The following RGPD2 variants were observed in gnomAD, a reference collection of about 807,000 sequenced individuals.
RGPD2 encodes RANBP2 like and GRIP domain containing 2, also known as RANBP2-like and GRIP domain-containing protein 2.
RGPD2 carries 2 observed loss-of-function variants against 36.0 expected under a neutral mutation model. The observed-to-expected ratio is 0.06, with a 90% CI of 0.02 to 0.17. The LOEUF (loss-of-function observed/expected upper bound fraction) is 0.17, where lower values mean the gene tolerates loss of function less well. Among genes scored for constraint, RGPD2 ranks in the 10% least tolerant of loss-of-function variants. The pLI is 1.00. For synonymous variants in RGPD2, 19 were observed against 163.8 expected (o/e 0.12, Z 6.75); for missense variants, 40 against 464.3 (o/e 0.09, Z 8.40).
At chr2:87,879,352 C>T in the RGPD2 span, among the ~76,000 whole-genome samples, 1 of 151,978 alleles carries the variant, frequency 6.6e-6, no homozygotes, top group African/African-American at 2.4e-5. Context: ...TTATTAACCA[C>T]AGTCATGCCG....
the RGPD2 span, among the ~76,000 whole-genome samples, chr2:87,933,102 A>G: frequency 9.1e-6 from 1 of 110,258 alleles, no homozygotes; most frequent in African/African-American, 3.7e-5. Context: ...CATATATTCA[A>G]TTTCATTACA....
the RGPD2 span, among the ~76,000 whole-genome samples, chr2:87,937,678 C>A: frequency 6.6e-5 from 10 of 152,004 alleles, no homozygotes; most frequent in South Asian, 2.1e-3. Context: ...TCCCATTAGT[C>A]CCCACCTCAG....
chr2:87,932,754 C>G, the RGPD2 span, among the ~76,000 whole-genome samples: 26 of 151,952 alleles, frequency 1.7e-4, no homozygotes, highest in Non-Finnish European at 3.4e-4. Flanking sequence ...GAGATTCTTT[C>G]TTTAAGAGCA....
the RGPD2 span, among the ~76,000 whole-genome samples, chr2:87,869,941 T>C: frequency 6.6e-6 from 1 of 152,292 alleles, no homozygotes; most frequent in Non-Finnish European, 1.5e-5. Flanking sequence ...TTTTCCCCTC[T>C]GATTTGTTTC....
At chr2:87,868,930 C>A in the RGPD2 span, among the ~76,000 whole-genome samples, 1 of 151,432 alleles carries the variant, frequency 6.6e-6, no homozygotes, top group East Asian at 2.0e-4. Context: ...TCTTCCCCAA[C>A]CCTAGATTAT....
At chr2:87,883,461 T>A in the RGPD2 span, among the ~76,000 whole-genome samples, 1 of 152,054 alleles carries the variant, frequency 6.6e-6, no homozygotes, top group African/African-American at 2.4e-5. Context: ...AATCCTTACC[T>A]ATAAACAATT....
At chr2:87,977,679 A>T in the RGPD2 span, among the ~76,000 whole-genome samples, 818 of 150,962 alleles carry the variant, frequency 5.4e-3, 9 homozygotes, top group African/African-American at 0.019. Context: ...CATTCTGTGA[A>T]TTCCATTTAC....
the RGPD2 span, among the ~76,000 whole-genome samples, chr2:87,857,209 AT>A: frequency 6.6e-6 from 1 of 152,250 alleles, no homozygotes; most frequent in South Asian, 2.1e-4. Context: ...CATAGCATAG[AT>A]TAGGAAAATT....
chr2:87,844,821 C>A, the RGPD2 span, among the ~76,000 whole-genome samples: 1 of 142,884 alleles, frequency 7.0e-6, no homozygotes, highest in Non-Finnish European at 1.5e-5. Flanking sequence ...TGTAATATCT[C>A]ATTTATAAGG....
chr2:87,840,606 T>A, the RGPD2 span, among the ~76,000 whole-genome samples: 4 of 152,132 alleles, frequency 2.6e-5, no homozygotes, highest in Admixed American at 2.6e-4. Context: ...TATACAGTTT[T>A]AGAAAGGTAA....
the RGPD2 span, among the ~76,000 whole-genome samples, chr2:87,962,301 A>G: frequency 2.6e-4 from 39 of 152,194 alleles, no homozygotes; most frequent in Non-Finnish European, 4.6e-4. Context: ...GTGGACAAAT[A>G]TCAAATGCGT....
the RGPD2 span, among the ~76,000 whole-genome samples, chr2:87,905,485 A>C: frequency 6.6e-6 from 1 of 151,906 alleles, no homozygotes; most frequent in Non-Finnish European, 1.5e-5. Flanking sequence ...AATAAAACAA[A>C]TACTTTAAGA....
the RGPD2 span, among the ~76,000 whole-genome samples, chr2:87,845,795 A>G: frequency 6.4e-4 from 97 of 151,192 alleles, no homozygotes; most frequent in Middle Eastern, 3.4e-3. Flanking sequence ...CTTTTTTAAT[A>G]TTTTCCATTG....
chr2:87,967,433 C>T, the RGPD2 span, among the ~76,000 whole-genome samples: 1 of 149,898 alleles, frequency 6.7e-6, no homozygotes, highest in African/African-American at 2.5e-5. Flanking sequence ...TTTTTTCCAA[C>T]AAATTTGTTT....
intron 6 of RGPD2, among the ~76,000 whole-genome samples, chr2:87,809,878 CA>C (rs1686107743): frequency 9.1e-6 from 1 of 109,522 alleles, no homozygotes; most frequent in African/African-American, 3.2e-5. Flanking sequence ...TGGTGGGGAA[CA>C]ACCTGAGGCA....
chr2:87,886,404 T>C, the RGPD2 span, among the ~76,000 whole-genome samples: 1 of 151,278 alleles, frequency 6.6e-6, no homozygotes, highest in East Asian at 1.9e-4. Context: ...ATTGCATTTA[T>C]TAACTTTCTG....
At chr2:87,888,232 T>C in the RGPD2 span, among the ~76,000 whole-genome samples, 4 of 151,856 alleles carry the variant, frequency 2.6e-5, no homozygotes, top group Admixed American at 2.6e-4. Flanking sequence ...TTCAACTTAC[T>C]GGATCAACAT....
chr2:87,957,377 G>A, the RGPD2 span, among the ~76,000 whole-genome samples: 2 of 149,410 alleles, frequency 1.3e-5, no homozygotes, highest in African/African-American at 5.0e-5. Context: ...AACCTTTCCA[G>A]AAACGTATCA....
At chr2:87,911,791 T>G in the RGPD2 span, among the ~76,000 whole-genome samples, 1 of 152,004 alleles carries the variant, frequency 6.6e-6, no homozygotes, top group East Asian at 1.9e-4. Flanking sequence ...TGAACTCATT[T>G]TAGTTGGCCT....
Sources: gnomAD v4.1 joint callset for allele counts (sites outside exome capture counted in the v4.1 genomes callset) on GRCh38, gnomAD v4.1.1 for gene constraint, MANE v1.5 for transcripts, NCBI Gene and HGNC (gene_info 2026-07-23, HGNC 2026-07-21) for gene names.